The following RCOR1 variants were observed in gnomAD, a reference collection of about 807,000 sequenced individuals.
The protein encoded by RCOR1 is REST corepressor 1, also known as REST corepressor.
Under a neutral mutation model 64.0 loss-of-function variants are expected in RCOR1, and 12 were observed. The ratio of observed to expected loss-of-function variants is 0.19; its 90% CI spans 0.12 to 0.30. The LOEUF (loss-of-function observed/expected upper bound fraction) is 0.30. Ranked by LOEUF, RCOR1 falls within the 10% of genes least tolerant of loss-of-function variation. RCOR1 has a pLI of 1.00. For missense variants in RCOR1, 502 were observed against 621.2 expected, an observed-to-expected ratio of 0.81 and a Z score of 2.04; for synonymous variants, 279 against 227.2, an observed-to-expected ratio of 1.23 and a Z score of -2.05.
At position 102,592,857 on chromosome 14, in the gene RCOR1, G is replaced by A; in HGVS notation, c.-30G>A. The A allele has an allele frequency of 2.5e-6, 3 of 1,179,762 alleles. No individual in the cohort carries two copies. The highest frequency in any genetic ancestry group is 3.1e-6 in the Non-Finnish European group (3 of 957,188). 73.1% of individuals were successfully genotyped at this position (1,179,762 alleles called of 1,614,324 possible). The stretch of plus-strand genomic sequence containing the variant: ...CCCTCCTCAGGAGCCGCGGGTCCCC[G>A]CCACTTTCGCACGGCCCCGGCCCCC... On this transcript the variant is annotated 5_prime_UTR_variant, in exon 1 of 12. Coordinates refer to ENST00000262241, the MANE Select transcript of RCOR1 (RefSeq NM_015156.4).
chr14:102,687,465 G>A (rs1198492142), intron 3 of RCOR1, among the ~76,000 whole-genome samples: 1 of 152,162 alleles, frequency 6.6e-6, no homozygotes, highest in Non-Finnish European at 1.5e-5. Flanking sequence ...CTGTGTCTAA[G>A]TAAAACCCAT....
intron 2 of RCOR1, among the ~76,000 whole-genome samples, chr14:102,632,418 C>T (rs1276457076): frequency 2.0e-5 from 3 of 149,716 alleles, no homozygotes; most frequent in East Asian, 2.0e-4. Flanking sequence ...GGGGTTTCAA[C>T]GTGTTCTCGA....
At chr14:102,644,771 A>G (rs1266303726) in intron 2 of RCOR1, among the ~76,000 whole-genome samples, 1 of 152,218 alleles carries the variant, frequency 6.6e-6, no homozygotes, top group African/African-American at 2.4e-5. Context: ...AACAGGAGGC[A>G]CAGTAGTTTC....
At chr14:102,699,951 A>G (rs1186278176) in intron 3 of RCOR1, among the ~76,000 whole-genome samples, 1 of 152,064 alleles carries the variant, frequency 6.6e-6, no homozygotes, top group East Asian at 1.9e-4. Context: ...GAGTCAATTC[A>G]TTTTCCTTGG....
intron 2 of RCOR1, among the ~76,000 whole-genome samples, chr14:102,635,685 C>T (rs1162533940): frequency 1.3e-5 from 2 of 151,900 alleles, no homozygotes; most frequent in Non-Finnish European, 2.9e-5. Flanking sequence ...TTCTGTATTA[C>T]AACTAATCTG....
chr14:102,668,120 A>G (rs1265267440), intron 2 of RCOR1, among the ~76,000 whole-genome samples: 1 of 152,180 alleles, frequency 6.6e-6, no homozygotes, highest in Non-Finnish European at 1.5e-5. Flanking sequence ...GGGAAAGGTC[A>G]ACTTTTGTTA....
rs1893153300 is a variant in RCOR1, at chr14:102,592,773, TCCCGCCGCG to T, written c.-107_-99del. ...CCGACTCGGACTCGCGCCCGTGGGC[TCCCGCCGCG>T]CCCGCCCGGCCCCGCGCCGGCCCCG... On this transcript the variant is annotated 5_prime_UTR_variant, in exon 1 of 12. Coordinates refer to ENST00000262241, the MANE Select transcript of RCOR1 (RefSeq NM_015156.4). 8.4e-7 allele frequency: 1 copy of T among 1,197,534 alleles called. No homozygotes were observed. The highest frequency in any genetic ancestry group is 4.5e-5 in the Admixed American group (1 of 22,320). 74.2% of individuals were successfully genotyped at this position (1,197,534 alleles called of 1,614,324 possible).
chr14:102,613,039 G>GT (rs1893665013), intron 2 of RCOR1, among the ~76,000 whole-genome samples: 1 of 151,958 alleles, frequency 6.6e-6, no homozygotes, highest in Admixed American at 6.6e-5. Flanking sequence ...AGTATAGGTG[G>GT]TTTTTTTGGT....
At chr14:102,597,891 C>T (rs1225951847) in intron 2 of RCOR1, among the ~76,000 whole-genome samples, 3 of 150,476 alleles carry the variant, frequency 2.0e-5, no homozygotes, top group Admixed American at 1.3e-4. Context: ...ATCTCGATCT[C>T]GGCTCACCTC....
chr14:102,633,914 A>G (rs1354386819), intron 2 of RCOR1, among the ~76,000 whole-genome samples: 3 of 152,186 alleles, frequency 2.0e-5, no homozygotes, highest in Admixed American at 2.0e-4. Context: ...TAAAAATTCT[A>G]TTCTCTGTAT....
intron 2 of RCOR1, among the ~76,000 whole-genome samples, chr14:102,618,944 C>T (rs954797871): frequency 6.6e-6 from 1 of 152,066 alleles, no homozygotes; most frequent in African/African-American, 2.4e-5. Context: ...AGATGGAGTC[C>T]TGTGGATGGA....
At chr14:102,676,895 G>A (rs1299290118) in intron 2 of RCOR1, among the ~76,000 whole-genome samples, 2 of 109,676 alleles carry the variant, frequency 1.8e-5, no homozygotes, top group Non-Finnish European at 3.7e-5. Flanking sequence ...GCGGCTGGCC[G>A]GGCGGGGGGC....
Position 102,592,922 on chromosome 14 carries a change from A to G in RCOR1, c.36A>G (p.Ser12=). 1 of 1,239,508 alleles carries G rather than the reference A, an allele frequency of 8.1e-7. No homozygotes were observed. Among genetic ancestry groups the G allele is most frequent in the Non-Finnish European group, 1.0e-6 (1 of 983,900 alleles). 76.8% of individuals were successfully genotyped at this position (1,239,508 alleles called of 1,614,324 possible). ...PAMVEKGPEV[S]GKRRGRNNAA... Reference sequence around the variant, plus strand: ...TGGTGGAGAAGGGCCCCGAGGTCTCAGGGAAGCGGAGAGGGAGGAACAACG... The same window carrying G: ...TGGTGGAGAAGGGCCCCGAGGTCTCGGGGAAGCGGAGAGGGAGGAACAACG... The change falls in exon 1 of 12, where the codon TCA becomes TCG. Residue 12 remains serine, a synonymous_variant. Transcript: ENST00000262241.
In RCOR1 at chr14:102,592,742, C is replaced by T. The variant is rs1893152528; in HGVS notation, c.-145C>T. ...CGGCTCCGCGCTCTGCCCGTTTGGG[C>T]CTCCCCCGACTCGGACTCGCGCCCG... On this transcript the variant is annotated 5_prime_UTR_variant, in exon 1 of 12. Transcript: ENST00000262241. 3 of 1,220,836 alleles carry T rather than the reference C, an allele frequency of 2.5e-6. No homozygotes were observed. Among genetic ancestry groups the T allele is most frequent in the African/African-American group, 1.6e-5 (1 of 63,794 alleles). 75.6% of individuals were successfully genotyped at this position (1,220,836 alleles called of 1,614,324 possible). A position where few individuals can be genotyped will look rare whatever the true frequency, so the allele number is the denominator to read the frequency against.
rs575772428 is a variant in RCOR1 at position 102,711,025 on chromosome 14, C to T, written c.858+12C>T. 11 of 1,556,402 alleles carry T rather than the reference C, an allele frequency of 7.1e-6. No individual in the cohort carries two copies. The African/African-American group carries it at 1.4e-4, about 19-fold the overall frequency. On this transcript the variant is annotated intron_variant, in intron 7 of 11. Transcript: ENST00000262241. Reference sequence around the variant, plus strand: ...AAAGCAAAAAGGAGGTATTTTTTCCCCCTAGTATTGTTTAGGCGAATAAAT... The same window carrying T: ...AAAGCAAAAAGGAGGTATTTTTTCCTCCTAGTATTGTTTAGGCGAATAAAT...
At chr14:102,629,674 G>T (rs1347878385) in intron 2 of RCOR1, among the ~76,000 whole-genome samples, 3 of 152,226 alleles carry the variant, frequency 2.0e-5, no homozygotes, top group South Asian at 2.1e-4. Context: ...GTCTAAACAT[G>T]GATGAGCTGA....
chr14:102,724,399 A>T (rs1896223309), intron 11 of RCOR1, among the ~76,000 whole-genome samples: 1 of 151,704 alleles, frequency 6.6e-6, no homozygotes, highest in Admixed American at 6.6e-5. Context: ...ATCTCGGCTC[A>T]CTGCAACCTC....
intron 2 of RCOR1, chr14:102,643,376 G>T: frequency 2.2e-6 from 2 of 914,508 alleles, no homozygotes; most frequent in Non-Finnish European, 2.6e-6. Context: ...TTGAGATTTG[G>T]AATGTTGAGT....
intron 2 of RCOR1, among the ~76,000 whole-genome samples, chr14:102,634,638 ATATATATATATATG>A (rs1284972467): frequency 2.9e-5 from 4 of 139,592 alleles, no homozygotes; most frequent in Middle Eastern, 3.3e-3. Context: ...GTATGTGTGT[ATATATATATATATG>A]TATATATATA....
Sources: allele counts gnomAD v4.1 joint callset (sites outside exome capture counted in the v4.1 genomes callset), GRCh38; gene constraint gnomAD v4.1.1; transcripts MANE v1.5; gene names NCBI Gene and HGNC (gene_info 2026-07-23, HGNC 2026-07-21).